The following ZNF641 variants were observed in gnomAD, a reference collection of about 807,000 sequenced individuals.
The protein encoded by ZNF641 is zinc finger protein 641.
A neutral mutation model predicts 46.2 loss-of-function variants in ZNF641; 26 were observed. The observed-to-expected ratio is 0.56, with a 90% CI of 0.41 to 0.78. The LOEUF (loss-of-function observed/expected upper bound fraction) is 0.78. Ranked by LOEUF, ZNF641 falls within the 30% of genes least tolerant of loss-of-function variation. ZNF641 has a pLI of 0.00. For missense variants in ZNF641, 469 were observed against 517.8 expected (o/e 0.91, Z 0.91); for synonymous variants, 163 against 187.9 (o/e 0.87, Z 1.09).
rs771316017 is a variant in ZNF641 at position 48,343,186 on chromosome 12, C to G, written c.1062G>C (p.Val354=). The G allele has an allele frequency of 1.2e-6, 2 of 1,614,182 alleles. No individual in the cohort carries two copies. Among genetic ancestry groups the G allele is most frequent in the South Asian group, 2.2e-5 (2 of 91,084 alleles). ...GTRKRQRAPP[V]PKCHVCTECG... ...ATTCAGTGCACACGTGACACTTTGG[C>G]ACTGGTGGGGCACGCTGCCGTTTCC... is the stretch of plus-strand genomic sequence containing the variant. Residue 354 remains valine (V), a synonymous_variant, in exon 6 of 6, where the codon GTG becomes GTC. Coordinates refer to ENST00000547026, the MANE Select transcript of ZNF641 (RefSeq NM_001172681.2).
chr12:48,346,999 A>G, intron 3 of ZNF641: 1 of 632,308 alleles, frequency 1.6e-6, no homozygotes, highest in Non-Finnish European at 2.6e-6. Flanking sequence ...CAACACAGTG[A>G]GATTCTGTCT....
chr12:48,342,777 A>G lies in ZNF641; in HGVS notation c.*196T>C. Reference sequence around the variant, plus strand: ...GCATTGCTTCCCAAAAGTTTTGCCCAAAGAACTCTATTTTTATGTGCTATC... The same window carrying G: ...GCATTGCTTCCCAAAAGTTTTGCCCGAAGAACTCTATTTTTATGTGCTATC... On this transcript the variant is annotated 3_prime_UTR_variant, in exon 6 of 6. Transcript: ENST00000547026. 7.1e-7 allele frequency: 1 copy of G among 1,410,872 alleles called. No individual in the cohort carries two copies. Among genetic ancestry groups the G allele is most frequent in the South Asian group, 1.6e-5 (1 of 62,278 alleles). 87.4% of individuals were successfully genotyped at this position (1,410,872 alleles called of 1,614,324 possible).
At chr12:48,346,023 C>A (rs1211532291) in intron 3 of ZNF641, among the ~76,000 whole-genome samples, 1 of 152,048 alleles carries the variant, frequency 6.6e-6, no homozygotes, top group African/African-American at 2.4e-5. Context: ...CCTGTCTCAG[C>A]CTCCCAAGTA....
At chr12:48,350,397 C>G (rs1952996829) in intron 1 of ZNF641, 1 of 378,576 alleles carries the variant, frequency 2.6e-6, no homozygotes, top group African/African-American at 2.0e-5. Flanking sequence ...TGCTTCTTCC[C>G]TTCTTCTTGT....
chr12:48,345,245 C>T (rs1451063494), intron 4 of ZNF641, 100 bp downstream of exon 4: 4 of 1,366,888 alleles, frequency 2.9e-6, no homozygotes, highest in East Asian at 2.3e-5. Flanking sequence ...TTCCCTGCCA[C>T]ATAAAGAGTC....
At position 48,341,326 on chromosome 12, in the gene ZNF641, G is replaced by A. The variant is rs143124207; in HGVS notation, c.*1647C>T. 115 of 985,286 alleles carry A rather than the reference G, an allele frequency of 1.2e-4. No homozygotes were observed. In the African/African-American group the frequency reaches 1.6e-3, roughly 14 times the overall value. The allele number at this position is 985,286 out of a possible 1,614,324, so 61.0% of individuals were successfully genotyped here. A position where few individuals can be genotyped will look rare whatever the true frequency, so the allele number is the denominator to read the frequency against. On this transcript the variant is annotated 3_prime_UTR_variant, in exon 6 of 6. Coordinates refer to ENST00000547026, the MANE Select transcript of ZNF641 (RefSeq NM_001172681.2). ...TTTGCTCCTCTTCCTCCCTAACCCCGAACTGCTCTTACATACAAGATAATT... is the reference window on the plus strand; with the variant it reads ...TTTGCTCCTCTTCCTCCCTAACCCCAAACTGCTCTTACATACAAGATAATT...
chr12:48,348,634 T>A (rs1347187072), intron 1 of ZNF641, among the ~76,000 whole-genome samples: 2 of 152,256 alleles, frequency 1.3e-5, no homozygotes, highest in South Asian at 2.1e-4. Context: ...ATTTGTATCA[T>A]GAGGCTGGGC....
intron 5 of ZNF641, 28 bp from the exon 6 acceptor site, chr12:48,343,755 A>AAG: frequency 6.9e-7 from 1 of 1,447,172 alleles, no homozygotes; most frequent in Non-Finnish European, 9.1e-7. Context: ...TACCAACCCC[A>AAG]AGAGAAGAGT....
chr12:48,348,577 T>G (rs1476537047), intron 1 of ZNF641, among the ~76,000 whole-genome samples: 1 of 152,174 alleles, frequency 6.6e-6, no homozygotes, highest in Non-Finnish European at 1.5e-5. Flanking sequence ...TCTCATCAGT[T>G]TAGAATGAAA....
Position 48,340,530 on chromosome 12 carries a change from G to C in ZNF641, c.*2443C>G. 9.1e-6 allele frequency: 9 copies of C among 985,366 alleles called. No homozygotes were observed. The highest frequency in any genetic ancestry group is 9.6e-6 in the Non-Finnish European group (8 of 829,906). 61.0% of individuals were successfully genotyped at this position (985,366 alleles called of 1,614,324 possible). A position where few individuals can be genotyped will look rare whatever the true frequency, so the allele number is the denominator to read the frequency against. On this transcript the variant is annotated 3_prime_UTR_variant, in exon 6 of 6. Transcript: ENST00000547026. The stretch of plus-strand genomic sequence containing the variant: ...CAGACTCCATCCTTATACCACTGAT[G>C]CCTCTGGTACCTTAATCCTTAAAAT...
downstream of ZNF641, among the ~76,000 whole-genome samples, chr12:48,336,048 A>G (rs192520719): frequency 3.3e-5 from 5 of 152,378 alleles, no homozygotes; most frequent in East Asian, 9.6e-4. Context: ...TAACAGAAAC[A>G]AAAATGTCCT....
At chr12:48,347,794 G>T in intron 2 of ZNF641, 113 bp downstream of exon 2, 1 of 1,019,220 alleles carries the variant, frequency 9.8e-7, no homozygotes, top group Non-Finnish European at 1.4e-6. Context: ...GGCTGGTCCT[G>T]GTACAGGTTA....
rs1474223657 is a variant in ZNF641, at chr12:48,350,840, C to G, written c.-80G>C. On this transcript the variant is annotated 5_prime_UTR_variant, in exon 1 of 6. Coordinates refer to ENST00000547026, the MANE Select transcript of ZNF641 (RefSeq NM_001172681.2). ...CCTCCCTCCCGGGCGCCGCCTGCCC[C>G]TCCCCTCCGCCCTCCGCTTGCGTCT... 1.0e-6 allele frequency: 1 copy of G among 985,068 alleles called. No individual in the cohort carries two copies. Among genetic ancestry groups the G allele is most frequent in the African/African-American group, 1.7e-5 (1 of 57,196 alleles). The allele number at this position is 985,068 out of a possible 1,614,324, so 61.0% of individuals were successfully genotyped here. A position where few individuals can be genotyped will look rare whatever the true frequency, so the allele number is the denominator to read the frequency against.
rs981088074 is a variant in ZNF641 at position 48,350,800 on chromosome 12, G to A, written c.-40C>T. 2.0e-6 allele frequency: 2 copies of A among 983,552 alleles called. No homozygotes were observed. The highest frequency in any genetic ancestry group is 1.7e-5 in the African/African-American group (1 of 57,194). 60.9% of individuals were successfully genotyped at this position (983,552 alleles called of 1,614,324 possible). Reference sequence around the variant, plus strand: ...GCTCCACTCACCCCCGGTAGGCTTGGCCCGCGGCCCGGTGCCTCCCTCCCG... The same window carrying A: ...GCTCCACTCACCCCCGGTAGGCTTGACCCGCGGCCCGGTGCCTCCCTCCCG... On this transcript the variant is annotated 5_prime_UTR_variant, in exon 1 of 6. Coordinates refer to ENST00000547026, the MANE Select transcript of ZNF641 (RefSeq NM_001172681.2).
At chr12:48,336,323 T>C (rs147603383), downstream of ZNF641, among the ~76,000 whole-genome samples, 1 of 152,238 alleles carries the variant, frequency 6.6e-6, no homozygotes, top group East Asian at 1.9e-4. Flanking sequence ...CCTTACCTCC[T>C]TCCCTTTTTG....
chr12:48,350,108 G>A, intron 1 of ZNF641: 1 of 1,614,016 alleles, frequency 6.2e-7, no homozygotes, highest in African/African-American at 1.3e-5. Context: ...GGTTAAGGTG[G>A]TAGCCCTAAC....
downstream of ZNF641, among the ~76,000 whole-genome samples, chr12:48,336,034 CACTT>C (rs1396881377): frequency 6.6e-6 from 1 of 152,188 alleles, no homozygotes; most frequent in Non-Finnish European, 1.5e-5. Context: ...GTTTGAAAAA[CACTT>C]AACAGAAACA....
rs1952935053 is a variant in ZNF641, at chr12:48,348,216, G to C, written c.-25-101C>G. 2.6e-6 allele frequency: 3 copies of C among 1,142,708 alleles called. No individual in the cohort carries two copies. The Admixed American group carries it at 6.2e-5, about 24-fold the overall frequency. The allele number at this position is 1,142,708 out of a possible 1,614,324, so 70.8% of individuals were successfully genotyped here. On this transcript the variant is annotated intron_variant, in intron 1 of 5. Coordinates refer to ENST00000547026, the MANE Select transcript of ZNF641 (RefSeq NM_001172681.2). Reference sequence around the variant, plus strand: ...GGCCCAGGGATAATAGACAAAACTAGATAGGAGGAGCTTGCTGGAAGATGA... The same window carrying C: ...GGCCCAGGGATAATAGACAAAACTACATAGGAGGAGCTTGCTGGAAGATGA...
rs1718751193 is a variant in ZNF641, at chr12:48,350,815, C to G, written c.-55G>C. The stretch of plus-strand genomic sequence containing the variant: ...GGTAGGCTTGGCCCGCGGCCCGGTG[C>G]CTCCCTCCCGGGCGCCGCCTGCCCC... On this transcript the variant is annotated 5_prime_UTR_variant, in exon 1 of 6. Transcript: ENST00000547026. The G allele has an allele frequency of 1.0e-6, 1 of 984,744 alleles. No individual in the cohort carries two copies. Among genetic ancestry groups the G allele is most frequent in the Non-Finnish European group, 1.2e-6 (1 of 829,460 alleles). 61.0% of individuals were successfully genotyped at this position (984,744 alleles called of 1,614,324 possible). A position where few individuals can be genotyped will look rare whatever the true frequency, so the allele number is the denominator to read the frequency against.
Sources: gnomAD v4.1 joint callset for allele counts (sites outside exome capture counted in the v4.1 genomes callset) on GRCh38, gnomAD v4.1.1 for gene constraint, MANE v1.5 for transcripts, NCBI Gene and HGNC (gene_info 2026-07-23, HGNC 2026-07-21) for gene names.